Variants in SMOC1 observed in about 807,000 individuals in gnomAD.
SMOC1 encodes SPARC-related modular calcium-binding protein 1.
In SMOC1, 22 loss-of-function variants were observed where a neutral mutation model predicts 56.3. The ratio of observed to expected loss-of-function variants is 0.39; its 90% CI spans 0.28 to 0.56. The LOEUF is 0.56. Among genes scored for constraint, SMOC1 ranks in the 20% least tolerant of loss-of-function variants. SMOC1 has a pLI of 0.61. For synonymous variants in SMOC1, 193 were observed against 215.0 expected (o/e 0.90, Z 0.89); for missense variants, 509 against 565.4 (o/e 0.90, Z 1.01).
chr14:69,957,420 C>CTT (rs2139453274), intron 3 of SMOC1, among the ~76,000 whole-genome samples: 1 of 152,204 alleles, frequency 6.6e-6, no homozygotes, highest in South Asian at 2.1e-4. Context: ...ACTTGAGGTC[C>CTT]CTAAGCTTAA....
chr14:69,897,735 A>G (rs1884136389), intron 1 of SMOC1, among the ~76,000 whole-genome samples: 1 of 152,164 alleles, frequency 6.6e-6, no homozygotes, highest in Non-Finnish European at 1.5e-5. Context: ...TCATGCTGTC[A>G]TTTATTTAAC....
Position 70,030,306 on chromosome 14 carries a change from G to C in SMOC1, c.*48G>C, listed in dbSNP as rs770497921. 2.5e-6 allele frequency: 4 copies of C among 1,611,928 alleles called. No individual in the cohort carries two copies. The highest frequency in any genetic ancestry group is 3.4e-6 in the Non-Finnish European group (4 of 1,179,016). ...GTGGAGAGTCCAGGGAGGCAGGATG[G>C]ATCACCAGACACCTAACCTTCAGCG... is the stretch of plus-strand genomic sequence containing the variant. On this transcript the variant is annotated 3_prime_UTR_variant, in exon 12 of 12. Transcript: ENST00000361956.
At chr14:69,964,578 T>C (rs1447109344) in intron 3 of SMOC1, among the ~76,000 whole-genome samples, 1 of 151,960 alleles carries the variant, frequency 6.6e-6, no homozygotes, top group Admixed American at 6.5e-5. Context: ...GGGGTTTCAC[T>C]GTGTTAGCCA....
Position 70,030,410 on chromosome 14 carries a change from T to A in SMOC1, c.*152T>A. On this transcript the variant is annotated 3_prime_UTR_variant, in exon 12 of 12. Coordinates refer to ENST00000361956, the MANE Select transcript of SMOC1 (RefSeq NM_001034852.3). ...GCACTTTTAATAACTCTTACTTGCGTGTTTTGTTTTTGGTTTCATTTTAAA... is the reference window on the plus strand; with the variant it reads ...GCACTTTTAATAACTCTTACTTGCGAGTTTTGTTTTTGGTTTCATTTTAAA... The A allele has an allele frequency of 1.1e-6, 1 of 949,018 alleles. No individual in the cohort carries two copies. Among genetic ancestry groups the A allele is most frequent in the Non-Finnish European group, 1.6e-6 (1 of 624,698 alleles). 58.8% of individuals were successfully genotyped at this position (949,018 alleles called of 1,614,324 possible).
At chr14:69,879,842 C>T (rs761181243) in intron 1 of SMOC1, 65 bp downstream of exon 1, 149 of 1,367,960 alleles carry the variant, frequency 1.1e-4, no homozygotes, top group Non-Finnish European at 1.3e-4. Flanking sequence ...CCCCTCATCC[C>T]TGAGGGAAGG....
At chr14:69,919,326 G>T (rs184785246) in intron 1 of SMOC1, among the ~76,000 whole-genome samples, 1 of 152,110 alleles carries the variant, frequency 6.6e-6, no homozygotes, top group Non-Finnish European at 1.5e-5. Flanking sequence ...CCTTTCCCTC[G>T]ATTTAGACTC....
intron 2 of SMOC1, 104 bp downstream of exon 2, chr14:69,952,407 A>G: frequency 7.1e-7 from 1 of 1,403,192 alleles, no homozygotes; most frequent in Non-Finnish European, 9.9e-7. Context: ...CTGTCCACTC[A>G]CTTTGCTTTC....
In SMOC1 at chr14:69,879,663, CA is replaced by C. The variant is rs1883577348; in HGVS notation, c.-15del. On this transcript the variant is annotated 5_prime_UTR_variant, in exon 1 of 12. Coordinates refer to ENST00000361956, the MANE Select transcript of SMOC1 (RefSeq NM_001034852.3). ...CGAACCCCGCTCGCTGCCGGCTGCC[CA>C]GCCTGGCTGGCACCATGCTGCCCGC... 14 of 1,497,110 alleles carry C rather than the reference CA, an allele frequency of 9.4e-6. No homozygotes were observed. Among genetic ancestry groups the C allele is most frequent in the Non-Finnish European group, 1.1e-5 (13 of 1,132,156 alleles). 92.7% of individuals were successfully genotyped at this position (1,497,110 alleles called of 1,614,324 possible). A position where few individuals can be genotyped will look rare whatever the true frequency, so the allele number is the denominator to read the frequency against.
intron 7 of SMOC1, among the ~76,000 whole-genome samples, chr14:69,995,958 G>A (rs1884746760): frequency 6.6e-6 from 1 of 152,084 alleles, no homozygotes; most frequent in South Asian, 2.1e-4. Flanking sequence ...GGTGCCTGTA[G>A]TACCTGGTGC....
chr14:69,992,806 C>T (rs1323354507), intron 6 of SMOC1, among the ~76,000 whole-genome samples: 2 of 152,168 alleles, frequency 1.3e-5, no homozygotes, highest in African/African-American at 2.4e-5. Flanking sequence ...GGCAGTGTCC[C>T]TTCAGTAAAT....
chr14:69,999,571 A>T (rs1270831866), intron 7 of SMOC1, among the ~76,000 whole-genome samples: 1 of 152,146 alleles, frequency 6.6e-6, no homozygotes, highest in African/African-American at 2.4e-5. Context: ...TACACCCTGG[A>T]TATTTATTTC....
intron 6 of SMOC1, 182 bp from the exon 7 acceptor site, chr14:69,994,218 G>A: frequency 1.4e-6 from 1 of 711,758 alleles, no homozygotes; most frequent in Non-Finnish European, 2.6e-6. Flanking sequence ...CTTATGAGCT[G>A]TTGGGGAGAG....
chr14:69,944,475 G>A (rs1326452462), intron 1 of SMOC1, among the ~76,000 whole-genome samples: 1 of 152,102 alleles, frequency 6.6e-6, no homozygotes, highest in African/African-American at 2.4e-5. Context: ...TTCCAAATAG[G>A]CATTTGCAGA....
At chr14:69,953,378 G>A (rs373557466) in intron 2 of SMOC1, 42 bp from the exon 3 acceptor site, 37 of 1,591,742 alleles carry the variant, frequency 2.3e-5, no homozygotes, top group South Asian at 5.5e-5. Context: ...CCCCAGTGTC[G>A]AATCCAAGTG....
At chr14:70,019,996 T>C (rs1195801308) in intron 10 of SMOC1, among the ~76,000 whole-genome samples, 1 of 152,200 alleles carries the variant, frequency 6.6e-6, no homozygotes, top group African/African-American at 2.4e-5. Flanking sequence ...AATAGTTTTG[T>C]TGGAAGTAGG....
chr14:69,977,086 C>T (rs1046147570), intron 4 of SMOC1, among the ~76,000 whole-genome samples: 1 of 152,192 alleles, frequency 6.6e-6, no homozygotes, highest in Non-Finnish European at 1.5e-5. Flanking sequence ...TAGAAACAAG[C>T]CATGCAGGAT....
chr14:69,958,324 C>T (rs1257722495), intron 3 of SMOC1, among the ~76,000 whole-genome samples: 2 of 152,100 alleles, frequency 1.3e-5, no homozygotes, highest in Admixed American at 6.5e-5. Flanking sequence ...GCCTTAACAA[C>T]AAAGAGCTAA....
chr14:70,030,181 T>C, intron 11 of SMOC1, 61 bp from the exon 12 acceptor site: 1 of 1,607,478 alleles, frequency 6.2e-7, no homozygotes. Flanking sequence ...CTCTAACTTC[T>C]TGCTTATATC....
intron 1 of SMOC1, among the ~76,000 whole-genome samples, chr14:69,903,206 T>C (rs80058002): frequency 6.7e-6 from 1 of 150,082 alleles, no homozygotes; most frequent in Admixed American, 6.6e-5. Flanking sequence ...TCGTCTGAGA[T>C]GTGGGGAGCC....
Sources: allele counts gnomAD v4.1 joint callset (sites outside exome capture counted in the v4.1 genomes callset), GRCh38; gene constraint gnomAD v4.1.1; transcripts MANE v1.5; gene names NCBI Gene and HGNC (gene_info 2026-07-23, HGNC 2026-07-21).